Variants in MAN2A1 observed in about 807,000 individuals in gnomAD.
MAN2A1 encodes the protein mannosidase alpha class 2A member 1, also known as alpha-mannosidase 2.
A neutral mutation model predicts 142.6 loss-of-function variants in MAN2A1; 76 were observed. The observed-to-expected ratio is 0.53, with a 90% confidence interval of 0.44 to 0.65. MAN2A1 has a LOEUF of 0.65. Among genes scored for constraint, MAN2A1 ranks in the 30% least tolerant of loss-of-function variants. The pLI, the probability that MAN2A1 is intolerant of heterozygous loss-of-function variation, is 0.00. For missense variants in MAN2A1, 1,311 were observed against 1,365.1 expected (o/e 0.96, Z 0.62); for synonymous variants, 559 against 473.2 (o/e 1.18, Z -2.35).
At chr5:109,865,281 A>G (rs1438010439) in intron 21 of MAN2A1, 135 bp downstream of exon 21, 1 of 651,184 alleles carries the variant, frequency 1.5e-6, no homozygotes, top group Non-Finnish European at 2.7e-6. Context: ...ATTAGTTTGA[A>G]TCTCCCCATC....
chr5:109,747,745 A>G (rs1752444746), intron 4 of MAN2A1, among the ~76,000 whole-genome samples: 1 of 152,168 alleles, frequency 6.6e-6, no homozygotes, highest in Non-Finnish European at 1.5e-5. Flanking sequence ...TCTATAGGGT[A>G]TACTGCCTGG....
intron 1 of MAN2A1, 21 bp from the exon 2 acceptor site, chr5:109,713,499 C>A: frequency 6.4e-7 from 1 of 1,572,408 alleles, no homozygotes; most frequent in Non-Finnish European, 8.6e-7. Flanking sequence ...CATATAGCTG[C>A]CTTTTTCTTT....
At chr5:109,696,768 A>G (rs1171246993) in intron 1 of MAN2A1, among the ~76,000 whole-genome samples, 3 of 152,228 alleles carry the variant, frequency 2.0e-5, no homozygotes, top group Admixed American at 2.0e-4. Context: ...TATACCCAGT[A>G]CATGTCGTTA....
chr5:109,706,767 A>T (rs1170428155), intron 1 of MAN2A1, among the ~76,000 whole-genome samples: 2 of 152,136 alleles, frequency 1.3e-5, no homozygotes, highest in African/African-American at 2.4e-5. Flanking sequence ...AAAAACATAA[A>T]TGAAAGGTGG....
In MAN2A1 at chr5:109,767,682, T is replaced by C; in HGVS notation, c.983T>C (p.Leu328Ser). 6.2e-7 allele frequency: 1 copy of C among 1,612,782 alleles called. No homozygotes were observed. Among genetic ancestry groups the C allele is most frequent in the Non-Finnish European group, 8.5e-7 (1 of 1,179,508 alleles). The change falls in exon 6 of 22, where the codon TTG becomes TCG. Residue 328 changes from leucine to serine, a missense_variant. Transcript: ENST00000261483. ...VKKHFALHKT[L>S]EFFWRQNWDL... ...AAACACTTTGCACTGCATAAAACATTGGAGTTTTTTTGGAGACAGAATTGG... is the reference window on the plus strand; with the variant it reads ...AAACACTTTGCACTGCATAAAACATCGGAGTTTTTTTGGAGACAGAATTGG...
chr5:109,823,932 G>A lies in MAN2A1; in HGVS notation c.2566+95G>A, dbSNP rs1754695091. The A allele has an allele frequency of 5.4e-6, 3 of 557,560 alleles. No homozygotes were observed. In the Admixed American group the frequency reaches 9.7e-5, roughly 18 times the overall value. The allele number at this position is 557,560 out of a possible 1,614,324, so 34.5% of individuals were successfully genotyped here. On this transcript the variant is annotated intron_variant, in intron 16 of 21. Transcript: ENST00000261483. ...ATTCTTAAATTAACAGTTGGTTTTT[G>A]TAGATGATGTTTTTCTAAACTTGAC...
At chr5:109,690,750 C>G (rs907564441) in intron 1 of MAN2A1, among the ~76,000 whole-genome samples, 198 bp downstream of exon 1, 25 of 152,284 alleles carry the variant, frequency 1.6e-4, no homozygotes, top group Middle Eastern at 3.4e-3. Context: ...TAACAAAGTG[C>G]TGGGCGGCGT....
intron 12 of MAN2A1, among the ~76,000 whole-genome samples, chr5:109,812,277 GAGT>G (rs1754340414): frequency 6.6e-6 from 1 of 152,026 alleles, no homozygotes; most frequent in Non-Finnish European, 1.5e-5. Flanking sequence ...GTGGGGATTT[GAGT>G]TTGAATGTGT....
chr5:109,725,234 G>T (rs747788917), intron 3 of MAN2A1, among the ~76,000 whole-genome samples: 1 of 152,206 alleles, frequency 6.6e-6, no homozygotes, highest in Non-Finnish European at 1.5e-5. Flanking sequence ...TGATCTAGAA[G>T]ACCAAATGTA....
In MAN2A1 at chr5:109,690,472, A is replaced by AT; in HGVS notation, c.59dup (p.Ser21LeufsTer44). The AT allele has an allele frequency of 6.2e-7, 1 of 1,613,816 alleles. No individual in the cohort carries two copies. The highest frequency in any genetic ancestry group is 8.5e-7 in the Non-Finnish European group (1 of 1,179,884). On this transcript the variant is annotated frameshift_variant, in exon 1 of 22. Transcript: ENST00000261483. LOFTEE classifies it high-confidence loss of function. ...CGGCAGTGCGATCTTCTGTGTGGTG[A>AT]TTTTCTCGCTCTACCTGATGCTGGA...
Position 109,831,007 on chromosome 5 carries a change from G to T in MAN2A1, c.2566+7170G>T, listed in dbSNP as rs139265495. ...TGGGTTGCACTGAACTCAGGTGAAGGGCACAGGGATGGGGGAAACACAGGA... is the reference window on the plus strand; with the variant it reads ...TGGGTTGCACTGAACTCAGGTGAAGTGCACAGGGATGGGGGAAACACAGGA... On this transcript the variant is annotated intron_variant, in intron 16 of 21. Coordinates refer to ENST00000261483, the MANE Select transcript of MAN2A1 (RefSeq NM_002372.4). 3.3e-3 allele frequency among the ~76,000 whole-genome samples: 509 copies of T among 152,288 alleles called. 10 individuals are homozygous for T. The highest frequency in any genetic ancestry group is 7.9e-4 in the Non-Finnish European group (54 of 68,036).
chr5:109,859,589 A>G (rs1755706827), intron 20 of MAN2A1, among the ~76,000 whole-genome samples: 1 of 152,178 alleles, frequency 6.6e-6, no homozygotes, highest in South Asian at 2.1e-4. Context: ...TGAGATACTA[A>G]AAAGAAGCTT....
intron 12 of MAN2A1, among the ~76,000 whole-genome samples, chr5:109,816,985 A>T (rs1754478060): frequency 6.6e-6 from 1 of 151,974 alleles, no homozygotes; most frequent in South Asian, 2.1e-4. Flanking sequence ...CCATGAACTG[A>T]AGTATTATGA....
At chr5:109,863,541 C>G (rs370029439) in intron 20 of MAN2A1, 2 of 152,164 alleles carry the variant, frequency 1.3e-5, no homozygotes, top group East Asian at 3.9e-4. Context: ...CAGTGTGAAG[C>G]TACTTACATA....
Position 109,720,171 on chromosome 5 carries a change from G to A in MAN2A1, c.535+3907G>A, listed in dbSNP as rs1056655145. On this transcript the variant is annotated intron_variant, in intron 3 of 21. Coordinates refer to ENST00000261483, the MANE Select transcript of MAN2A1 (RefSeq NM_002372.4). ...TCACAGTGTGTGGAGAGAAGATAAGGTATACTAAATGAAAGATTGGACAGC... is the reference window on the plus strand; with the variant it reads ...TCACAGTGTGTGGAGAGAAGATAAGATATACTAAATGAAAGATTGGACAGC... 2.0e-5 allele frequency among the ~76,000 whole-genome samples: 3 copies of A among 152,116 alleles called. No individual in the cohort carries two copies. In the East Asian group the frequency reaches 5.8e-4, roughly 29 times the overall value.
chr5:109,692,643 A>G (rs759812), intron 1 of MAN2A1, among the ~76,000 whole-genome samples: 22,100 of 152,186 alleles, frequency 0.15, 1,631 homozygotes, highest in Non-Finnish European at 0.17. Context: ...CCAGCCACTG[A>G]GTTGTCTTGC....
At chr5:109,818,253 G>A (rs1754524459) in intron 13 of MAN2A1, among the ~76,000 whole-genome samples, 1 of 152,066 alleles carries the variant, frequency 6.6e-6, no homozygotes, top group Non-Finnish European at 1.5e-5. Context: ...TGATTCTCCT[G>A]CCTCAGCCTC....
intron 1 of MAN2A1, among the ~76,000 whole-genome samples, chr5:109,701,356 T>C (rs1750978013): frequency 6.6e-6 from 1 of 152,176 alleles, no homozygotes; most frequent in African/African-American, 2.4e-5. Context: ...CTGGAGGAGA[T>C]TGGCTTGATT....
intron 1 of MAN2A1, among the ~76,000 whole-genome samples, chr5:109,702,776 T>A (rs922728184): frequency 7.9e-5 from 12 of 152,248 alleles, no homozygotes; most frequent in African/African-American, 2.9e-4. Flanking sequence ...AAGTTTGCTA[T>A]TAATGTATTT....
Sources: allele counts gnomAD v4.1 joint callset (sites outside exome capture counted in the v4.1 genomes callset), GRCh38; gene constraint gnomAD v4.1.1; transcripts MANE v1.5; gene names NCBI Gene and HGNC (gene_info 2026-07-23, HGNC 2026-07-21).